Variants in RTTN observed in about 807,000 individuals in gnomAD.
RTTN encodes rotatin.
RTTN carries 182 observed loss-of-function variants against 269.2 expected under a neutral mutation model. That is an observed-to-expected ratio of 0.68 (90% confidence interval 0.60 to 0.76). The LOEUF (loss-of-function observed/expected upper bound fraction) is 0.76. Ranked by LOEUF, RTTN falls within the 30% of genes least tolerant of loss-of-function variation. RTTN has a pLI of 0.00. For missense variants in RTTN, 2,545 were observed against 2,608.6 expected, an observed-to-expected ratio of 0.98 and a Z score of 0.53; for synonymous variants, 1,006 against 963.5, an observed-to-expected ratio of 1.04 and a Z score of -0.82.
rs1410470712 is a variant in RTTN at position 70,013,050 on chromosome 18, G to C, written c.6421+4357C>G. ...GCAGTGATGTTTCGGGCACGCTGCA[G>C]CCGACTCCCTGAACACCTCATCTGC... On this transcript the variant is annotated intron_variant, in intron 46 of 48. Coordinates refer to ENST00000640769, the MANE Select transcript of RTTN (RefSeq NM_173630.4). Among the ~76,000 whole-genome samples, 4 of 152,318 alleles carry C rather than the reference G, an allele frequency of 2.6e-5. No individual in the cohort carries two copies. The East Asian group carries it at 7.7e-4, about 29-fold the overall frequency.
chr18:70,051,215 T>C (rs553327489), intron 39 of RTTN, among the ~76,000 whole-genome samples, 196 bp downstream of exon 39: 2 of 152,302 alleles, frequency 1.3e-5, no homozygotes, highest in South Asian at 4.1e-4. Context: ...TCTCAAAATG[T>C]GTTTCAATTT....
rs772387893 is a variant in RTTN at position 70,197,697 on chromosome 18, CAGG to C, written c.617_619del (p.Thr206_Cys207delinsSer). The C allele has an allele frequency of 5.6e-6, 9 of 1,613,504 alleles. No homozygotes were observed. The highest frequency in any genetic ancestry group is 7.6e-6 in the Non-Finnish European group (9 of 1,179,466). ...CATGATAACATCCTTCAATAGTTCA[CAGG>C]TGTTCCAGATTAAAGTGTGGTTACT... is the stretch of plus-strand genomic sequence containing the variant. On this transcript the variant is annotated inframe_deletion, in exon 6 of 49. Transcript: ENST00000640769.
At chr18:70,095,298 C>T (rs141477545) in intron 28 of RTTN, among the ~76,000 whole-genome samples, 6 of 152,260 alleles carry the variant, frequency 3.9e-5, no homozygotes, top group African/African-American at 1.4e-4. Flanking sequence ...AGCCTGTTTA[C>T]ATTTAAGATT....
intron 46 of RTTN, among the ~76,000 whole-genome samples, chr18:70,017,135 G>C (rs2056564315): frequency 1.3e-5 from 2 of 152,104 alleles, no homozygotes; most frequent in Admixed American, 6.5e-5. Context: ...GGGAGCAGAA[G>C]GTAAGGCCAG....
chr18:70,184,753 T>TGTGTGTGTGTGTGC (rs2061505176), intron 10 of RTTN, among the ~76,000 whole-genome samples: 2 of 121,634 alleles, frequency 1.6e-5, no homozygotes, highest in African/African-American at 5.6e-5. Flanking sequence ...TGTGTGTGTG[T>TGTGTGTGTGTGTGC]GTGTGGTGGC....
Position 70,159,994 on chromosome 18 carries a change from T to C in RTTN, c.1929+6068A>G, listed in dbSNP as rs115921682. On this transcript the variant is annotated intron_variant, in intron 14 of 48. Coordinates refer to ENST00000640769, the MANE Select transcript of RTTN (RefSeq NM_173630.4). ...TGGGCCAGACAAACTCACAGCCAAATTCTACCAAATGTAAAAAGAACTGTT... is the reference window on the plus strand; with the variant it reads ...TGGGCCAGACAAACTCACAGCCAAACTCTACCAAATGTAAAAAGAACTGTT... Among the ~76,000 whole-genome samples, 353 of 152,142 alleles carry C rather than the reference T, an allele frequency of 2.3e-3. 1 individual carries two copies. The highest frequency in any genetic ancestry group is 8.2e-3 in the African/African-American group (340 of 41,516).
chr18:70,086,752 G>C, intron 31 of RTTN, 68 bp from the exon 32 acceptor site: 1 of 1,335,152 alleles, frequency 7.5e-7, no homozygotes, highest in Non-Finnish European at 1.0e-6. Context: ...CTGCCATCTT[G>C]TGGTCATCTC....
chr18:70,154,421 A>AC (rs1328755798), intron 14 of RTTN, among the ~76,000 whole-genome samples: 2 of 152,176 alleles, frequency 1.3e-5, no homozygotes, highest in Non-Finnish European at 2.9e-5. Flanking sequence ...AATCTGCCTC[A>AC]AGAAAGATAT....
chr18:70,120,131 A>C (rs1432733345), intron 26 of RTTN, among the ~76,000 whole-genome samples: 1 of 152,124 alleles, frequency 6.6e-6, no homozygotes, highest in Non-Finnish European at 1.5e-5. Context: ...TGGAAGGGGA[A>C]CTGATGGCTT....
In RTTN at chr18:70,166,192, G is replaced by C. The variant is rs1168309688; in HGVS notation, c.1803-4C>G. On this transcript the variant is annotated splice_polypyrimidine_tract_variant and splice_region_variant and intron_variant, in intron 13 of 48. Transcript: ENST00000640769. ...ACTGGCCTGAGCAGATTTCCAGCTG[G>C]TGAAAAGGTAAAACAACCAAGACAT... 1.2e-6 allele frequency: 2 copies of C among 1,611,466 alleles called. No homozygotes were observed. The highest frequency in any genetic ancestry group is 2.7e-5 in the African/African-American group (2 of 74,852).
intron 28 of RTTN, among the ~76,000 whole-genome samples, chr18:70,101,128 CTG>C (rs2059153133): frequency 6.6e-6 from 1 of 152,100 alleles, no homozygotes; most frequent in Non-Finnish European, 1.5e-5. Flanking sequence ...TTTCTATTGA[CTG>C]GAATAGTTTC....
chr18:70,180,528 G>A (rs1360823206), intron 10 of RTTN, among the ~76,000 whole-genome samples: 1 of 149,572 alleles, frequency 6.7e-6, no homozygotes, highest in South Asian at 2.1e-4. Flanking sequence ...GTTGCAGTGA[G>A]TCAAGATCAC....
At chr18:70,098,455 ACTAG>A (rs1459065538) in intron 28 of RTTN, among the ~76,000 whole-genome samples, 1 of 152,152 alleles carries the variant, frequency 6.6e-6, no homozygotes. Flanking sequence ...TAGATAGGCC[ACTAG>A]CTAGACTAAC....
intron 32 of RTTN, among the ~76,000 whole-genome samples, chr18:70,077,278 G>A (rs1011748168): frequency 2.6e-5 from 4 of 151,852 alleles, no homozygotes; most frequent in African/African-American, 9.7e-5. Context: ...ATGTCTACAT[G>A]AATGCTTCCT....
chr18:70,169,207 A>C, intron 11 of RTTN, 140 bp from the exon 12 acceptor site: 1 of 576,090 alleles, frequency 1.7e-6, no homozygotes, highest in Non-Finnish European at 2.9e-6. Flanking sequence ...ACTTTTTCCA[A>C]AGAAAATCCC....
rs2056995886 is a variant in RTTN, at chr18:70,030,977, T to C, written c.5546A>G (p.Tyr1849Cys). ...EQLSDVILQCYEGKSSKDILK... is the reference protein window; with the variant it reads ...EQLSDVILQCCEGKSSKDILK... ...GATATCTTTGGAGGATTTCCCTTCATAGCACTGCAGAGAATATAAATCAAA... is the reference window on the plus strand; with the variant it reads ...GATATCTTTGGAGGATTTCCCTTCACAGCACTGCAGAGAATATAAATCAAA... The change falls in exon 41 of 49, where the codon TAT becomes TGT. Residue 1849 changes from tyrosine (Y) to cysteine (C), a missense_variant. Tyr to Cys is a radical substitution (Grantham distance 194, BLOSUM62 -2). Transcript: ENST00000640769. The C allele has an allele frequency of 1.9e-6, 3 of 1,607,340 alleles. No individual in the cohort carries two copies. The highest frequency in any genetic ancestry group is 2.7e-5 in the African/African-American group (2 of 74,916).
intron 23 of RTTN, among the ~76,000 whole-genome samples, chr18:70,133,710 G>T (rs566777926): frequency 3.9e-5 from 6 of 152,192 alleles, no homozygotes; most frequent in Admixed American, 3.9e-4. Flanking sequence ...TTTTGGGGTG[G>T]TAGAAGGTAA....
intron 30 of RTTN, among the ~76,000 whole-genome samples, chr18:70,089,718 T>C (rs1054936664): frequency 5.3e-5 from 8 of 152,206 alleles, no homozygotes; most frequent in African/African-American, 1.2e-4. Context: ...TGTTATAAAG[T>C]AGCAAGAAAA....
At chr18:70,117,920 A>C (rs919831630) in intron 26 of RTTN, among the ~76,000 whole-genome samples, 1 of 151,990 alleles carries the variant, frequency 6.6e-6, no homozygotes, top group Non-Finnish European at 1.5e-5. Flanking sequence ...GGAAATTTTA[A>C]AATATCATGA....
Sources: allele counts gnomAD v4.1 joint callset (sites outside exome capture counted in the v4.1 genomes callset), GRCh38; gene constraint gnomAD v4.1.1; transcripts MANE v1.5; gene names NCBI Gene and HGNC (gene_info 2026-07-23, HGNC 2026-07-21).